The following EPB41L3 variants were observed in gnomAD, a reference collection of about 807,000 sequenced individuals.
The protein encoded by EPB41L3 is erythrocyte membrane protein band 4.1 like 3.
A neutral mutation model predicts 127.1 loss-of-function variants in EPB41L3; 57 were observed. That is an observed-to-expected ratio of 0.45 (90% confidence interval 0.36 to 0.56). The LOEUF (loss-of-function observed/expected upper bound fraction) is 0.56, where lower values mean the gene tolerates loss of function less well. EPB41L3 is among the 20% of genes least tolerant of loss of function. EPB41L3 has a pLI of 0.00. For missense variants in EPB41L3, 1,273 were observed against 1,372.2 expected, an observed-to-expected ratio of 0.93 and a Z score of 1.14; for synonymous variants, 572 against 549.5, an observed-to-expected ratio of 1.04 and a Z score of -0.57.
chr18:5,561,105 G>A lies in EPB41L3; in HGVS notation c.-306+51235C>T, dbSNP rs1166263928. 8.1e-5 allele frequency among the ~76,000 whole-genome samples: 12 copies of A among 148,806 alleles called. No individual in the cohort carries two copies. The East Asian group carries it at 2.0e-3, about 25-fold the overall frequency. On this transcript the variant is annotated intron_variant, in intron 3 of 21. Transcript: ENST00000545076. ...CCATTCTCCTGCCTCAGCCTCCCGAGTAGCTGGGACTACAGGCGCCCGCCA... is the reference window on the plus strand; with the variant it reads ...CCATTCTCCTGCCTCAGCCTCCCGAATAGCTGGGACTACAGGCGCCCGCCA...
At chr18:5,539,562 G>A (rs1282207381) in intron 1 of EPB41L3, 1 of 152,036 alleles carries the variant, frequency 6.6e-6, no homozygotes, top group Admixed American at 6.5e-5. Context: ...CTGTGCTCTG[G>A]AATTGCTACA....
intron 3 of EPB41L3, among the ~76,000 whole-genome samples, chr18:5,475,792 T>C (rs1385609261): frequency 3.3e-5 from 5 of 152,224 alleles, no homozygotes; most frequent in Admixed American, 1.3e-4. Flanking sequence ...AGTCTGACAC[T>C]TGGGGCATCA....
chr18:5,592,550 G>T (rs1177407541), intron 3 of EPB41L3, among the ~76,000 whole-genome samples: 2 of 152,244 alleles, frequency 1.3e-5, no homozygotes, highest in East Asian at 3.8e-4. Flanking sequence ...GATTCTCCCA[G>T]GAGTTCCTTT....
chr18:5,624,527 G>A (rs1599393088), intron 1 of EPB41L3, among the ~76,000 whole-genome samples: 1 of 152,178 alleles, frequency 6.6e-6, no homozygotes, highest in Non-Finnish European at 1.5e-5. Flanking sequence ...GCCAATGTGG[G>A]TAGAGGGTGG....
rs541373138 is a variant in EPB41L3 at position 5,453,927 on chromosome 18, AT to A, written c.382-8684del. ...CCCCCATGCTTCCTGCCCTAATTGC[AT>A]TTTTCCTCACTGAATGCCTTTTCAT... On this transcript the variant is annotated intron_variant, in intron 3 of 22. Coordinates refer to ENST00000341928, the MANE Select transcript of EPB41L3 (RefSeq NM_012307.5). Among the ~76,000 whole-genome samples the A allele has an allele frequency of 2.6e-4, 39 of 152,198 alleles. 2 individuals carry two copies. In the South Asian group the frequency reaches 8.1e-3, roughly 32 times the overall value.
At position 5,491,437 on chromosome 18, in the gene EPB41L3, C is replaced by G. The variant is rs76263841; in HGVS notation, c.-11-2243G>C. Among the ~76,000 whole-genome samples the G allele has an allele frequency of 3.9e-5, 6 of 152,332 alleles. No individual in the cohort carries two copies. In the East Asian group the frequency reaches 1.2e-3, roughly 29 times the overall value. ...TAGTGTTATCAGCCTAGTCGGGAAA[C>G]CGTTTTGCACCTGCTTTTGTCTTAA... On this transcript the variant is annotated intron_variant, in intron 1 of 22. Coordinates refer to ENST00000341928, the MANE Select transcript of EPB41L3 (RefSeq NM_012307.5).
intron 1 of EPB41L3, among the ~76,000 whole-genome samples, chr18:5,522,015 C>A (rs750129822): frequency 6.6e-6 from 1 of 152,132 alleles, no homozygotes; most frequent in Non-Finnish European, 1.5e-5. Flanking sequence ...ACTATCAACA[C>A]ACCTCAAAAC....
At chr18:5,585,492 C>T (rs2094434171) in intron 3 of EPB41L3, among the ~76,000 whole-genome samples, 2 of 151,918 alleles carry the variant, frequency 1.3e-5, no homozygotes, top group Non-Finnish European at 1.5e-5. Flanking sequence ...TTAGTAGAGA[C>T]GGGGTTTTGC....
rs756364143 is a variant in EPB41L3, at chr18:5,419,774, T to C, written c.1443A>G (p.Glu481=). 5 of 1,614,188 alleles carry C rather than the reference T, an allele frequency of 3.1e-6. No individual in the cohort carries two copies. The highest frequency in any genetic ancestry group is 4.2e-6 in the Non-Finnish European group (5 of 1,180,038). The change falls in exon 12 of 23, where the codon GAA becomes GAG. Residue 481 remains glutamate (E), a synonymous_variant. Transcript: ENST00000341928. ...EKKAEEERDE[E]EDKRRKGEEV... is the part of the protein sequence containing the mutation. ...CTTCCCCCTTCCTCCGTTTGTCCTC[T>C]TCCTCGTCCCGCTCCTCCTCAGCCT...
chr18:5,420,671 A>G (rs552854683), intron 11 of EPB41L3, among the ~76,000 whole-genome samples: 9 of 152,364 alleles, frequency 5.9e-5, no homozygotes, highest in Non-Finnish European at 1.2e-4. Context: ...AGAGCCTTTC[A>G]TCCCAGCTAA....
chr18:5,518,746 G>A (rs2092857949), intron 1 of EPB41L3: 1 of 152,174 alleles, frequency 6.6e-6, no homozygotes, highest in African/African-American at 2.4e-5. Flanking sequence ...TCCACCGTGG[G>A]ATGTAGAGAT....
At chr18:5,589,592 A>G (rs144956084) in intron 3 of EPB41L3, among the ~76,000 whole-genome samples, 38 of 152,314 alleles carry the variant, frequency 2.5e-4, no homozygotes, top group African/African-American at 9.1e-4. Context: ...AAAATGTTTG[A>G]AAAGAAGAGA....
chr18:5,515,679 A>G (rs953288184), intron 1 of EPB41L3, among the ~76,000 whole-genome samples: 6 of 152,252 alleles, frequency 3.9e-5, no homozygotes, highest in African/African-American at 1.2e-4. Context: ...CAACAATGCC[A>G]GAAAAGATAG....
chr18:5,395,097 G>C lies in EPB41L3; in HGVS notation c.3123C>G (p.Ile1041Met). 1 of 1,614,112 alleles carries C rather than the reference G, an allele frequency of 6.2e-7. No homozygotes were observed. Among genetic ancestry groups the C allele is most frequent in the Non-Finnish European group, 8.5e-7 (1 of 1,180,014 alleles). ...SETRIEKRIV[I>M]TGDADIDHDQ... Reference sequence around the variant, plus strand: ...CATGGTCAATGTCTGCATCCCCCGTGATGACTATTCGCTTCTCAATTCTTG... The same window carrying C: ...CATGGTCAATGTCTGCATCCCCCGTCATGACTATTCGCTTCTCAATTCTTG... Residue 1041 changes from isoleucine to methionine, a missense_variant, in exon 21 of 23, where the codon ATC becomes ATG. Transcript: ENST00000341928.
chr18:5,502,535 TG>T (rs2091834682), intron 1 of EPB41L3, among the ~76,000 whole-genome samples: 1 of 152,214 alleles, frequency 6.6e-6, no homozygotes, highest in Non-Finnish European at 1.5e-5. Context: ...AAGCTTTATA[TG>T]TGGTTAAGTA....
At chr18:5,499,270 A>G (rs2091501975) in intron 1 of EPB41L3, among the ~76,000 whole-genome samples, 1 of 152,066 alleles carries the variant, frequency 6.6e-6, no homozygotes, top group African/African-American at 2.4e-5. Context: ...GCCTCCAATA[A>G]CAGAGCTGTT....
intron 1 of EPB41L3, among the ~76,000 whole-genome samples, chr18:5,626,000 C>T (rs1258976942): frequency 2.6e-5 from 4 of 151,334 alleles, no homozygotes; most frequent in Admixed American, 2.6e-4. Flanking sequence ...ATTTATGCTG[C>T]TTGACTGAAA....
intron 8 of EPB41L3, among the ~76,000 whole-genome samples, chr18:5,430,246 T>A (rs543427703): frequency 1.5e-3 from 230 of 152,312 alleles, no homozygotes; most frequent in African/African-American, 5.2e-3. Context: ...TTATCTCTAG[T>A]ACACCCTTAG....
At chr18:5,499,912 C>A (rs998369490) in intron 1 of EPB41L3, among the ~76,000 whole-genome samples, 2 of 150,612 alleles carry the variant, frequency 1.3e-5, no homozygotes, top group African/African-American at 4.9e-5. Context: ...CTTTAAGATC[C>A]TGTCATTCTG....
Sources: allele counts gnomAD v4.1 joint callset (sites outside exome capture counted in the v4.1 genomes callset), GRCh38; gene constraint gnomAD v4.1.1; transcripts MANE v1.5; gene names NCBI Gene and HGNC (gene_info 2026-07-23, HGNC 2026-07-21).